RPTOR: variants seen among roughly 807,000 people sequenced by gnomAD.
RPTOR encodes regulatory-associated protein of mTOR.
A neutral mutation model predicts 169.9 loss-of-function variants in RPTOR; 21 were observed. That is an observed-to-expected ratio of 0.12 (90% CI 0.09 to 0.18). The LOEUF (loss-of-function observed/expected upper bound fraction) is 0.18, where lower values mean the gene tolerates loss of function less well. Among genes scored for constraint, RPTOR ranks in the 10% least tolerant of loss-of-function variants. RPTOR has a pLI of 1.00. For synonymous variants in RPTOR, 732 were observed against 753.2 expected (o/e 0.97, Z 0.46); for missense variants, 1,133 against 1,855.9 (o/e 0.61, Z 7.16).
chr17:80,742,824 C>G (rs886212228), intron 5 of RPTOR, among the ~76,000 whole-genome samples: 1 of 151,864 alleles, frequency 6.6e-6, no homozygotes, highest in African/African-American at 2.4e-5. Flanking sequence ...ATATACATGC[C>G]CACCTATACA....
At chr17:80,770,159 G>A (rs1355811832) in intron 6 of RPTOR, among the ~76,000 whole-genome samples, 1 of 152,214 alleles carries the variant, frequency 6.6e-6, no homozygotes, top group Non-Finnish European at 1.5e-5. Context: ...GAGGACTGCT[G>A]CATCCTCACA....
At chr17:80,598,882 T>TTCTG (rs752610583) in intron 1 of RPTOR, among the ~76,000 whole-genome samples, 2 of 146,758 alleles carry the variant, frequency 1.4e-5, no homozygotes, top group Non-Finnish European at 3.0e-5. Flanking sequence ...TCTTGATTCT[T>TTCTG]TCTATCTATC....
chr17:80,684,371 GTCTT>G (rs1262880378), intron 3 of RPTOR, among the ~76,000 whole-genome samples: 2 of 141,660 alleles, frequency 1.4e-5, no homozygotes, highest in Non-Finnish European at 3.0e-5. Context: ...GGCATATCTT[GTCTT>G]TCTTTTTTTT....
At position 80,553,696 on chromosome 17, in the gene RPTOR, G is replaced by A. The variant is rs568359333; in HGVS notation, c.162+7905G>A. 3.9e-5 allele frequency among the ~76,000 whole-genome samples: 6 copies of A among 152,132 alleles called. 1 individual carries two copies. In the South Asian group the frequency reaches 1.2e-3, roughly 32 times the overall value. ...AGATCCGTTCAATGTTAGACCAGTG[G>A]ATTTTAATGTAATAGGGTACAAAAA... On this transcript the variant is annotated intron_variant, in intron 1 of 33. Coordinates refer to ENST00000306801, the MANE Select transcript of RPTOR (RefSeq NM_020761.3).
At chr17:80,821,795 T>C (rs184346342) in intron 7 of RPTOR, among the ~76,000 whole-genome samples, 48 of 152,336 alleles carry the variant, frequency 3.2e-4, no homozygotes, top group African/African-American at 1.1e-3. Context: ...CCTCCCAGCA[T>C]GGACGGTGTA....
At chr17:80,690,873 G>T (rs2065985562) in intron 3 of RPTOR, among the ~76,000 whole-genome samples, 1 of 152,068 alleles carries the variant, frequency 6.6e-6, no homozygotes, top group African/African-American at 2.4e-5. Context: ...TGGCTCACTG[G>T]AGCCTCAAAT....
intron 1 of RPTOR, among the ~76,000 whole-genome samples, chr17:80,606,546 G>T (rs545426259): frequency 6.6e-6 from 1 of 152,206 alleles, no homozygotes; most frequent in South Asian, 2.1e-4. Context: ...GTGATTGACA[G>T]TTTTTTCCCA....
intron 3 of RPTOR, among the ~76,000 whole-genome samples, chr17:80,668,480 G>A (rs1347001610): frequency 6.6e-6 from 1 of 152,198 alleles, no homozygotes; most frequent in African/African-American, 2.4e-5. Flanking sequence ...TGTTCTCCCA[G>A]AGTCGGCCAT....
chr17:80,744,889 C>T lies in RPTOR; in HGVS notation c.655-9121C>T, dbSNP rs200230108. Among the ~76,000 whole-genome samples, 319 of 77,628 alleles carry T rather than the reference C, an allele frequency of 4.1e-3. 18 individuals are homozygous for T. Among genetic ancestry groups the T allele is most frequent in the Non-Finnish European group, 5.1e-3 (208 of 40,980 alleles). The allele number at this position is 77,628 out of a possible 152,430, so 50.9% of individuals were successfully genotyped here. ...GTCCTGGTTACGAGCACAGCCCTGGCTACTAGCACTGTCCTGGCTACTAGC... is the reference window on the plus strand; with the variant it reads ...GTCCTGGTTACGAGCACAGCCCTGGTTACTAGCACTGTCCTGGCTACTAGC... On this transcript the variant is annotated intron_variant, in intron 5 of 33. Coordinates refer to ENST00000306801, the MANE Select transcript of RPTOR (RefSeq NM_020761.3).
At chr17:80,626,333 A>G (rs1034981413) in intron 2 of RPTOR, among the ~76,000 whole-genome samples, 1 of 51,090 alleles carries the variant, frequency 2.0e-5, no homozygotes, top group South Asian at 4.8e-4. Context: ...TTACAGGCCA[A>G]TTTTCTACTT....
intron 2 of RPTOR, among the ~76,000 whole-genome samples, chr17:80,634,019 C>T (rs35210150): frequency 0.043 from 6,481 of 152,014 alleles, 207 homozygotes; most frequent in Non-Finnish European, 0.069. Flanking sequence ...CTATTGCTCC[C>T]AGGACCTCTC....
chr17:80,795,082 C>T (rs1018916218), intron 7 of RPTOR, among the ~76,000 whole-genome samples: 17 of 152,190 alleles, frequency 1.1e-4, no homozygotes, highest in African/African-American at 4.1e-4. Flanking sequence ...AGGAAAAAAA[C>T]ACCACGAGAG....
intron 3 of RPTOR, among the ~76,000 whole-genome samples, chr17:80,684,097 G>A (rs1036292101): frequency 2.0e-5 from 3 of 152,220 alleles, no homozygotes; most frequent in Non-Finnish European, 4.4e-5. Flanking sequence ...GGACTGAGGG[G>A]TGGAGTCAGG....
chr17:80,825,262 C>T (rs375555728), intron 9 of RPTOR, among the ~76,000 whole-genome samples: 9 of 146,812 alleles, frequency 6.1e-5, no homozygotes, highest in East Asian at 4.0e-4. Flanking sequence ...GCGAGGCCAG[C>T]GTGGGGCAGC....
intron 1 of RPTOR, among the ~76,000 whole-genome samples, chr17:80,624,417 A>G (rs1277248823): frequency 1.3e-5 from 2 of 152,260 alleles, no homozygotes; most frequent in African/African-American, 4.8e-5. Context: ...TGAAGAACTG[A>G]TTAATTTGAA....
At chr17:80,765,070 CA>C (rs2066772625) in intron 6 of RPTOR, among the ~76,000 whole-genome samples, 1 of 151,964 alleles carries the variant, frequency 6.6e-6, no homozygotes, top group Non-Finnish European at 1.5e-5. Context: ...CTTAAAGAGC[CA>C]GGGGAAAAAT....
chr17:80,634,144 C>CATACTTTGT (rs2065463991), intron 2 of RPTOR, among the ~76,000 whole-genome samples: 1 of 109,976 alleles, frequency 9.1e-6, no homozygotes, highest in African/African-American at 5.0e-5. Flanking sequence ...ATACTGTGTG[C>CATACTTTGT]GTGTGCGTAC....
chr17:80,927,731 T>TCTGTGTGTCC lies in RPTOR; in HGVS notation c.2919+2260_2919+2261insCCTGTGTGTC, dbSNP rs112226528. The stretch of plus-strand genomic sequence containing the variant: ...TATCTCGTGTGTGTGTCTGTGTGTT[T>TCTGTGTGTCC]CTGTGTGTCTGTGTGTGTGTGTCTA... On this transcript the variant is annotated intron_variant, in intron 24 of 33. Transcript: ENST00000306801. Among the ~76,000 whole-genome samples, 39 of 76,874 alleles carry TCTGTGTGTCC rather than the reference T, an allele frequency of 5.1e-4. No homozygotes were observed. In the South Asian group the frequency reaches 7.9e-3, roughly 16 times the overall value. The allele number at this position is 76,874 out of a possible 152,430, so 50.4% of individuals were successfully genotyped here. A position where few individuals can be genotyped will look rare whatever the true frequency, so the allele number is the denominator to read the frequency against.
At chr17:80,857,705 C>A in intron 12 of RPTOR, 85 bp from the exon 13 acceptor site, 1 of 845,892 alleles carries the variant, frequency 1.2e-6, no homozygotes, top group Non-Finnish European at 2.0e-6. Context: ...GAAGATAGCA[C>A]CGCAGCTGGT....
Sources: allele counts gnomAD v4.1 joint callset (sites outside exome capture counted in the v4.1 genomes callset), GRCh38; gene constraint gnomAD v4.1.1; transcripts MANE v1.5; gene names NCBI Gene and HGNC (gene_info 2026-07-23, HGNC 2026-07-21).